The following GOLGB1 variants were observed in gnomAD, a reference collection of about 807,000 sequenced individuals.
The protein encoded by GOLGB1 is golgin subfamily B member 1.
In GOLGB1, 174 loss-of-function variants were observed where a neutral mutation model predicts 336.9. That is an observed-to-expected ratio of 0.52 (90% CI 0.46 to 0.59). The LOEUF (loss-of-function observed/expected upper bound fraction) is 0.59, where lower values mean the gene tolerates loss of function less well. GOLGB1 is among the 20% of genes least tolerant of loss of function. The pLI, the probability that GOLGB1 is intolerant of heterozygous loss-of-function variation, is 0.00. For missense variants in GOLGB1, 3,331 were observed against 3,645.3 expected (o/e 0.91, Z 2.22); for synonymous variants, 1,208 against 1,289.2 (o/e 0.94, Z 1.35).
chr3:121,726,780 A>C (rs1223218688), intron 5 of GOLGB1, 133 bp downstream of exon 5: 1 of 518,038 alleles, frequency 1.9e-6, no homozygotes, highest in East Asian at 3.4e-5. Context: ...GAAGAAATGA[A>C]GAAAAGAAGG....
rs976859333 is a variant in GOLGB1 at position 121,725,337 on chromosome 3, A to G, written c.531+1576T>C. On this transcript the variant is annotated intron_variant, in intron 5 of 21. Transcript: ENST00000614479. ...GGGGACCCAACCCCTGTACCGGCAGAGGATGCTGAAAATGGAGTAAAAGAA... is the reference window on the plus strand; with the variant it reads ...GGGGACCCAACCCCTGTACCGGCAGGGGATGCTGAAAATGGAGTAAAAGAA... Among the ~76,000 whole-genome samples, 14 of 152,328 alleles carry G rather than the reference A, an allele frequency of 9.2e-5. No individual in the cohort carries two copies. The East Asian group carries it at 2.7e-3, about 29-fold the overall frequency.
chr3:121,670,763 G>GC (rs1939418917), intron 17 of GOLGB1, among the ~76,000 whole-genome samples: 1 of 148,750 alleles, frequency 6.7e-6, no homozygotes, highest in Admixed American at 6.7e-5. Context: ...TTTGGGGGGG[G>GC]GGGTGTGGGA....
intron 1 of GOLGB1, among the ~76,000 whole-genome samples, chr3:121,747,420 T>C (rs1411675289): frequency 6.8e-6 from 1 of 146,706 alleles, no homozygotes; most frequent in African/African-American, 2.5e-5. Flanking sequence ...TATATGTATA[T>C]ATATACATAT....
intron 17 of GOLGB1, among the ~76,000 whole-genome samples, chr3:121,676,404 T>C (rs1056203378): frequency 5.3e-5 from 8 of 152,234 alleles, no homozygotes; most frequent in African/African-American, 1.9e-4. Context: ...TGGGCATTCT[T>C]GGCTCTCCTC....
At chr3:121,707,721 C>G (rs1944007972) in intron 10 of GOLGB1, among the ~76,000 whole-genome samples, 1 of 150,676 alleles carries the variant, frequency 6.6e-6, no homozygotes, top group African/African-American at 2.4e-5. Flanking sequence ...GTTTGGCAAA[C>G]TTTGGAGGCC....
intron 10 of GOLGB1, among the ~76,000 whole-genome samples, chr3:121,713,825 A>G (rs1179649138): frequency 6.6e-6 from 1 of 152,226 alleles, no homozygotes; most frequent in East Asian, 1.9e-4. Flanking sequence ...ATAGTCAATG[A>G]TATGAATGCT....
intron 17 of GOLGB1, among the ~76,000 whole-genome samples, chr3:121,670,352 GA>G (rs1357258026): frequency 6.6e-6 from 1 of 152,056 alleles, no homozygotes; most frequent in African/African-American, 2.4e-5. Flanking sequence ...AAGTTTTTGT[GA>G]AAAAAAGTTG....
At chr3:121,682,164 G>A (rs141046512) in intron 14 of GOLGB1, among the ~76,000 whole-genome samples, 35 of 152,338 alleles carry the variant, frequency 2.3e-4, no homozygotes, top group African/African-American at 7.5e-4. Flanking sequence ...CAATTCTGAC[G>A]TGGGGTAGAC....
Position 121,695,617 on chromosome 3 carries a change from T to G in GOLGB1, c.4906A>C (p.Arg1636=). 6.2e-7 allele frequency: 1 copy of G among 1,613,748 alleles called. No individual in the cohort carries two copies. Among genetic ancestry groups the G allele is most frequent in the South Asian group, 1.1e-5 (1 of 91,080 alleles). The change falls in exon 13 of 22, where the codon AGG becomes CGG. Residue 1636 remains arginine (R), a synonymous_variant. Transcript: ENST00000614479. ...SYENVSNEAE[R]IQHVVEAVRQ... is the part of the protein sequence containing the mutation. ...ACAGCTTCCACCACATGCTGAATCC[T>G]TTCTGCTTCATTACTAACATTCTCA... is the stretch of plus-strand genomic sequence containing the variant.
rs1942483291 is a variant in GOLGB1 at position 121,692,063 on chromosome 3, T to A, written c.7301A>T (p.Glu2434Val). The A allele has an allele frequency of 3.1e-6, 5 of 1,612,874 alleles. No individual in the cohort carries two copies. The highest frequency in any genetic ancestry group is 4.2e-6 in the Non-Finnish European group (5 of 1,179,646). ...QEEEENIVLE[E>V]ENKKAVDKTN... The stretch of plus-strand genomic sequence containing the variant: ...TTTATCAACAGCCTTTTTGTTCTCC[T>A]CTTCTAAAACAATATTCTCCTCTTC... The change falls in exon 14 of 22, where the codon GAG becomes GTG. Residue 2434 changes from glutamate to valine, a missense_variant. Transcript: ENST00000614479.
chr3:121,700,735 T>G (rs554599481), intron 11 of GOLGB1, among the ~76,000 whole-genome samples: 1 of 152,174 alleles, frequency 6.6e-6, no homozygotes, highest in African/African-American at 2.4e-5. Context: ...ACTGCTTTTT[T>G]CTCTGCCTGG....
intron 1 of GOLGB1, among the ~76,000 whole-genome samples, chr3:121,737,792 G>T (rs945062466): frequency 6.6e-6 from 1 of 152,152 alleles, no homozygotes; most frequent in African/African-American, 2.4e-5. Context: ...TCTTAAGAAA[G>T]AAGTGATGAG....
chr3:121,742,188 G>A (rs1414019700), intron 1 of GOLGB1, among the ~76,000 whole-genome samples: 1 of 152,156 alleles, frequency 6.6e-6, no homozygotes, highest in Non-Finnish European at 1.5e-5. Flanking sequence ...AACAAAGCTG[G>A]AGGCATCACG....
At chr3:121,716,042 C>T (rs764436361) in intron 9 of GOLGB1, among the ~76,000 whole-genome samples, 3 of 151,142 alleles carry the variant, frequency 2.0e-5, no homozygotes, top group African/African-American at 7.3e-5. Flanking sequence ...TTCAGTTATT[C>T]AATACAAATT....
chr3:121,676,840 G>C (rs1560179263), intron 17 of GOLGB1, 53 bp downstream of exon 17: 2 of 1,541,820 alleles, frequency 1.3e-6, no homozygotes, highest in East Asian at 4.5e-5. Flanking sequence ...TTGCCTTCTT[G>C]TTCCAGTCAT....
chr3:121,684,273 C>CAA (rs201975409), intron 14 of GOLGB1, among the ~76,000 whole-genome samples: 992 of 88,100 alleles, frequency 0.011, 6 homozygotes, highest in African/African-American at 0.035. Context: ...AGAAATACAG[C>CAA]AAAAAAAAAA....
chr3:121,731,088 T>G, intron 1 of GOLGB1, 115 bp from the exon 2 acceptor site: 3 of 991,576 alleles, frequency 3.0e-6, no homozygotes, highest in Non-Finnish European at 4.4e-6. Flanking sequence ...ACAGGTGATT[T>G]GTATTAGACA....
At position 121,694,328 on chromosome 3, in the gene GOLGB1, T is replaced by A; in HGVS notation, c.6195A>T (p.Lys2065Asn). Residue 2065 changes from lysine to asparagine, a missense_variant, in exon 13 of 22, where the codon AAA (lysine) becomes AAT (asparagine). Transcript: ENST00000614479. The part of the protein sequence containing the change: ...TESQKDLEIT[K>N]ENLAQAVEHR... ...GTTCAACTGCTTGAGCCAGATTTTC[T>A]TTGGTTATTTCCAAATCTTTTTGAG... The A allele has an allele frequency of 6.2e-7, 1 of 1,611,778 alleles. No homozygotes were observed. The highest frequency in any genetic ancestry group is 1.1e-5 in the South Asian group (1 of 90,750).
rs757885623 is a variant in GOLGB1 at position 121,692,148 on chromosome 3, C to T, written c.7216G>A (p.Glu2406Lys). Residue 2406 changes from glutamate to lysine, a missense_variant, in exon 14 of 22, where the codon GAA becomes AAA. Glu to Lys is a moderately conservative substitution (Grantham distance 56). Coordinates refer to ENST00000614479, the MANE Select transcript of GOLGB1 (RefSeq NM_001366282.2). ...TCTTTATCATGTTGCTGACGCAGTT[C>T]AGCAATAGCTACTTGGATTGCCTCT... ...KEEAIQVAIA[E>K]LRQQHDKEIK... 3.7e-6 allele frequency: 6 copies of T among 1,611,904 alleles called. No individual in the cohort carries two copies. Among genetic ancestry groups the T allele is most frequent in the Non-Finnish European group, 5.1e-6 (6 of 1,179,418 alleles).
Sources: gnomAD v4.1 joint callset for allele counts (sites outside exome capture counted in the v4.1 genomes callset) on GRCh38, gnomAD v4.1.1 for gene constraint, MANE v1.5 for transcripts, NCBI Gene and HGNC (gene_info 2026-07-23, HGNC 2026-07-21) for gene names.